The following ARL17B variants were observed in gnomAD, a reference collection of about 807,000 sequenced individuals.
ARL17B encodes the protein ARF like GTPase 17B, also known as ADP-ribosylation factor-like protein 17.
chr17:46,275,225 G>A, exon 5 of ARL17B: 1 of 364,688 alleles, frequency 2.7e-6, no homozygotes. Context: ...GGACAAAATT[G>A]GCCAATAATA....
intron 3 of ARL17B, among the ~76,000 whole-genome samples, chr17:46,307,650 T>C: frequency 1.9e-5 from 1 of 52,730 alleles, no homozygotes; most frequent in Non-Finnish European, 6.5e-5. Context: ...CACCAAGAGG[T>C]TTAGGTAGCA....
At chr17:46,287,936 A>G (rs1423004372) in intron 4 of ARL17B, among the ~76,000 whole-genome samples, 1 of 152,248 alleles carries the variant, frequency 6.6e-6, no homozygotes, top group Non-Finnish European at 1.5e-5. Flanking sequence ...GTTGATAGGC[A>G]CAGTGTAGGA....
At chr17:46,317,093 T>C (rs1180447878) in intron 3 of ARL17B, among the ~76,000 whole-genome samples, 3,933 of 58,322 alleles carry the variant, frequency 0.067, 242 homozygotes, top group Middle Eastern at 0.31. Flanking sequence ...AAACCGCCAT[T>C]GTCATCATGG....
chr17:46,286,927 T>C (rs2049937030), intron 4 of ARL17B, among the ~76,000 whole-genome samples: 1 of 152,226 alleles, frequency 6.6e-6, no homozygotes, highest in Admixed American at 6.5e-5. Context: ...ACATTCTCCA[T>C]AATAGCAGTT....
At chr17:46,277,653 C>CTTTCTTTCTTTTTT (rs143961379) in intron 4 of ARL17B, among the ~76,000 whole-genome samples, 1 of 137,864 alleles carries the variant, frequency 7.3e-6, no homozygotes, top group Non-Finnish European at 1.6e-5. Context: ...TTCTTTCTTT[C>CTTTCTTTCTTTTTT]TTTTTTTTTT....
At chr17:46,279,329 G>A (rs1319669254) in intron 4 of ARL17B, among the ~76,000 whole-genome samples, 2 of 151,490 alleles carry the variant, frequency 1.3e-5, no homozygotes, top group East Asian at 1.9e-4. Context: ...GATTACAGGT[G>A]CCTACCACAA....
chr17:46,332,515 C>G (rs2052021102), downstream of ARL17B: 1 of 1,381,028 alleles, frequency 7.2e-7, no homozygotes, highest in South Asian at 1.2e-5. Context: ...ATAGTTAGCT[C>G]TCATTCTGGT....
chr17:46,286,071 C>A (rs1358551555), intron 4 of ARL17B, among the ~76,000 whole-genome samples: 2 of 152,062 alleles, frequency 1.3e-5, no homozygotes, highest in Non-Finnish European at 2.9e-5. Flanking sequence ...ATTCTGACAC[C>A]GATCATGGCC....
At chr17:46,314,401 C>T (rs1485607765) in intron 3 of ARL17B, among the ~76,000 whole-genome samples, 2 of 73,732 alleles carry the variant, frequency 2.7e-5, no homozygotes, top group African/African-American at 7.2e-5. Context: ...TTCTTATAAT[C>T]GTGTGAGATG....
intron 4 of ARL17B, among the ~76,000 whole-genome samples, chr17:46,280,026 C>A (rs112254607): frequency 0.1 from 15,283 of 146,158 alleles, 2 homozygotes; most frequent in Middle Eastern, 0.18. Flanking sequence ...CACCTTGAGT[C>A]AGAGTAATTC....
intron 4 of ARL17B, among the ~76,000 whole-genome samples, chr17:46,286,194 A>G (rs1244096939): frequency 6.6e-6 from 1 of 152,276 alleles, no homozygotes; most frequent in Admixed American, 6.5e-5. Flanking sequence ...GATATAAAAT[A>G]GTTTTAGTAT....
At position 46,289,142 on chromosome 17, in the gene ARL17B, G is replaced by C. The variant is rs1412349772; in HGVS notation, c.*21+10384C>G. Among the ~76,000 whole-genome samples, 3 of 152,094 alleles carry C rather than the reference G, an allele frequency of 2.0e-5. No homozygotes were observed. The East Asian group carries it at 5.8e-4, about 29-fold the overall frequency. ...CAAACCCATTGTGATTGGCATCCAC[G>C]AACAAATTTGGTGTAAAGAAATCAT... On this transcript the variant is annotated intron_variant, in intron 4 of 4. Coordinates refer to the ARL17B transcript ENST00000570618.
intron 4 of ARL17B, among the ~76,000 whole-genome samples, chr17:46,277,745 C>CA (rs368157323): frequency 0.11 from 16,341 of 148,990 alleles, no homozygotes; most frequent in Non-Finnish European, 0.17. Context: ...CTCCTGGGTT[C>CA]AAATGATTTT....
chr17:46,279,528 G>T (rs1320169907), intron 4 of ARL17B, among the ~76,000 whole-genome samples: 5 of 146,044 alleles, frequency 3.4e-5, no homozygotes, highest in Admixed American at 2.8e-4. Flanking sequence ...TTGAGATAGG[G>T]TCTTGTTGTG....
chr17:46,281,632 G>T (rs944954828), intron 4 of ARL17B, among the ~76,000 whole-genome samples: 9 of 152,168 alleles, frequency 5.9e-5, no homozygotes, highest in Admixed American at 2.0e-4. Context: ...GTCTTGTTAT[G>T]TTGGTAAGGT....
chr17:46,281,558 T>A (rs1213858433), intron 4 of ARL17B, among the ~76,000 whole-genome samples: 4 of 152,166 alleles, frequency 2.6e-5, no homozygotes, highest in Non-Finnish European at 5.9e-5. Flanking sequence ...GCCTCCTGAG[T>A]AGCTAGGACT....
intron 4 of ARL17B, among the ~76,000 whole-genome samples, chr17:46,287,372 G>C (rs1448736183): frequency 6.6e-6 from 1 of 152,158 alleles, no homozygotes; most frequent in African/African-American, 2.4e-5. Flanking sequence ...TCAATATCAG[G>C]GCTATTTCTT....
At chr17:46,278,047 G>C (rs1282643488) in intron 4 of ARL17B, among the ~76,000 whole-genome samples, 2 of 152,040 alleles carry the variant, frequency 1.3e-5, no homozygotes, top group Non-Finnish European at 2.9e-5. Context: ...CCACGTTCAA[G>C]TGATTCTTCT....
intron 4 of ARL17B, among the ~76,000 whole-genome samples, chr17:46,286,799 T>C (rs2049931514): frequency 6.6e-6 from 1 of 152,268 alleles, no homozygotes; most frequent in Non-Finnish European, 1.5e-5. Context: ...GAACTCACTG[T>C]GACTGCAGGT....
Sources: gnomAD v4.1 joint callset for allele counts (sites outside exome capture counted in the v4.1 genomes callset) on GRCh38, gnomAD v4.1.1 for gene constraint, MANE v1.5 for transcripts, NCBI Gene and HGNC (gene_info 2026-07-23, HGNC 2026-07-21) for gene names.